The following DACH2 variants were observed in gnomAD, a reference collection of about 807,000 sequenced individuals.
DACH2 encodes the protein dachshund homolog 2.
A neutral mutation model predicts 35.8 loss-of-function variants in DACH2; 17 were observed. The observed-to-expected ratio is 0.48, with a 90% CI of 0.33 to 0.71. DACH2 has a LOEUF of 0.71. DACH2 is among the 30% of genes least tolerant of loss of function. The pLI is 0.02. For missense variants in DACH2, 469 were observed against 472.7 expected (o/e 0.99, Z 0.07); for synonymous variants, 195 against 177.3 (o/e 1.10, Z -0.79).
chrX:86,680,265 G>C (rs763329037), intron 4 of DACH2, among the ~76,000 whole-genome samples: 2 of 111,919 alleles, frequency 1.8e-5, no homozygotes, highest in Non-Finnish European at 3.8e-5. Context: ...AGTTCTTAAA[G>C]ATATAATTAT....
chrX:86,297,778 G>A (rs1339992134), intron 1 of DACH2, among the ~76,000 whole-genome samples: 1 of 112,128 alleles, frequency 8.9e-6, no homozygotes, highest in Non-Finnish European at 1.9e-5. Flanking sequence ...GATAATTGTA[G>A]ACATTTATAT....
At chrX:86,227,683 C>T (rs1193197146) in intron 1 of DACH2, among the ~76,000 whole-genome samples, 2 of 108,292 alleles carry the variant, frequency 1.8e-5, no homozygotes, top group African/African-American at 6.7e-5. Flanking sequence ...TTGCACCCTT[C>T]CTTTCTTTTC....
intron 2 of DACH2, among the ~76,000 whole-genome samples, chrX:86,479,987 A>C (rs992066539): frequency 8.9e-6 from 1 of 112,384 alleles, no homozygotes; most frequent in African/African-American, 3.2e-5. Flanking sequence ...TGGCTTATTT[A>C]GTTCATTTTG....
intron 3 of DACH2, among the ~76,000 whole-genome samples, chrX:86,641,048 G>A (rs2092458): frequency 0.13 from 14,196 of 111,483 alleles, 787 homozygotes; most frequent in East Asian, 0.32. Flanking sequence ...CCAGAGTGTC[G>A]TATATTCTCC....
rs1261629043 is a variant in DACH2 at position 86,514,322 on chromosome X, C to T, written c.571C>T (p.Gln191Ter). The change falls in exon 3 of 12, where the codon CAG (glutamine) becomes TAG (stop). Residue 191 changes from glutamine to a stop codon, truncating the protein, a stop_gained. Transcript: ENST00000373125. LOFTEE classifies it high-confidence loss of function. The part of the protein sequence containing the change: ...RPPKRSLGVL[Q>*]ENARLLTHAV... The stretch of plus-strand genomic sequence containing the variant: ...CCCTAAGCGTTCTTTGGGAGTGTTG[C>T]AGGAAAATGCCCGCCTTCTGACCCA... 1 of 1,209,501 alleles carries T rather than the reference C, an allele frequency of 8.3e-7. No homozygotes were observed. Among genetic ancestry groups the T allele is most frequent in the Non-Finnish European group, 1.1e-6 (1 of 895,097 alleles).
chrX:86,244,164 G>A (rs1378638096), intron 1 of DACH2, among the ~76,000 whole-genome samples: 4 of 111,449 alleles, frequency 3.6e-5, no homozygotes, highest in African/African-American at 1.3e-4. Flanking sequence ...TAGGTCCTAA[G>A]TGAAGCCACA....
At chrX:86,779,037 A>G (rs2042064788) in intron 7 of DACH2, among the ~76,000 whole-genome samples, 1 of 112,110 alleles carries the variant, frequency 8.9e-6, no homozygotes, top group African/African-American at 3.2e-5. Context: ...TATGGAGACT[A>G]TATTAGTTGG....
intron 3 of DACH2, among the ~76,000 whole-genome samples, chrX:86,650,205 AT>A (rs2148405878): frequency 9.1e-6 from 1 of 110,299 alleles, no homozygotes; most frequent in African/African-American, 3.3e-5. Flanking sequence ...TTTTTATACC[AT>A]TATGCTGAGA....
chrX:86,567,377 A>G (rs758894608), intron 3 of DACH2, among the ~76,000 whole-genome samples: 5 of 111,314 alleles, frequency 4.5e-5, no homozygotes, highest in Non-Finnish European at 7.6e-5. Context: ...TATCTGGCAG[A>G]TCTAGGTGGT....
chrX:86,362,694 T>C (rs2035754839), intron 1 of DACH2, among the ~76,000 whole-genome samples: 1 of 111,132 alleles, frequency 9.0e-6, no homozygotes, highest in African/African-American at 3.3e-5. Context: ...ATTTAATCTC[T>C]CCCTTTTCTA....
chrX:86,746,595 G>A (rs1169068958), intron 7 of DACH2, among the ~76,000 whole-genome samples: 1 of 110,796 alleles, frequency 9.0e-6, no homozygotes, highest in Non-Finnish European at 1.9e-5. Flanking sequence ...TTTTTATTAG[G>A]CATTTTAATT....
rs1260496593 is a variant in DACH2, at chrX:86,814,770, G to C, written c.1620G>C (p.Arg540=). 1 of 1,209,314 alleles carries C rather than the reference G, an allele frequency of 8.3e-7. No individual in the cohort carries two copies. The highest frequency in any genetic ancestry group is 3.0e-5 in the East Asian group (1 of 33,744). The change falls in exon 10 of 12, where the codon CGG becomes CGC. Residue 540 remains arginine, a synonymous_variant. Coordinates refer to ENST00000373125, the MANE Select transcript of DACH2 (RefSeq NM_053281.3). The stretch of plus-strand genomic sequence containing the variant: ...CCTTGGAATTTGAATCAAAGCGCCG[G>C]GAGCAAGTGGAGCAGGCACTTAAGC... ...QEALEFESKR[R]EQVEQALKQA...
rs1048120325 is a variant in DACH2, at chrX:86,302,348, A to G, written c.489-74476A>G. Among the ~76,000 whole-genome samples the G allele has an allele frequency of 4.5e-5, 5 of 111,745 alleles. No individual in the cohort carries two copies. In the East Asian group the frequency reaches 1.4e-3, roughly 31 times the overall value. ...TGATAGTTGACATTTATTTATAAAG[A>G]GAACTAGTGGAAAAAATGATTAGTT... On this transcript the variant is annotated intron_variant, in intron 1 of 11. Transcript: ENST00000373125.
intron 1 of DACH2, among the ~76,000 whole-genome samples, chrX:86,274,948 G>A (rs1358380376): frequency 8.9e-6 from 1 of 111,848 alleles, no homozygotes; most frequent in Non-Finnish European, 1.9e-5. Flanking sequence ...GAATACAAAA[G>A]GATTTGAAGC....
At chrX:86,636,718 A>T (rs935565591) in intron 3 of DACH2, among the ~76,000 whole-genome samples, 4 of 111,286 alleles carry the variant, frequency 3.6e-5, no homozygotes, top group Non-Finnish European at 5.7e-5. Context: ...CTCAATATGG[A>T]TTAAAGTTTT....
At chrX:86,316,633 T>C (rs1031390763) in intron 1 of DACH2, among the ~76,000 whole-genome samples, 10 of 111,541 alleles carry the variant, frequency 9.0e-5, no homozygotes, top group African/African-American at 3.3e-4. Flanking sequence ...AATTGGGCGA[T>C]GACTTCTTCA....
chrX:86,508,186 T>C (rs1217782542), intron 2 of DACH2, among the ~76,000 whole-genome samples: 1 of 111,892 alleles, frequency 8.9e-6, no homozygotes, highest in Non-Finnish European at 1.9e-5. Context: ...ATAACTTTGT[T>C]TTACAAACAT....
intron 1 of DACH2, among the ~76,000 whole-genome samples, chrX:86,372,593 G>T (rs1438884036): frequency 2.7e-5 from 3 of 110,768 alleles, no homozygotes; most frequent in Non-Finnish European, 5.7e-5. Flanking sequence ...TCATCTAGTT[G>T]TGCCAAACCA....
chrX:86,317,984 C>T (rs1275054264), intron 1 of DACH2, among the ~76,000 whole-genome samples: 1 of 111,623 alleles, frequency 9.0e-6, no homozygotes, highest in East Asian at 2.8e-4. Flanking sequence ...TACACCCTTT[C>T]AGTCAAAGTC....
Sources: allele counts gnomAD v4.1 joint callset (sites outside exome capture counted in the v4.1 genomes callset), GRCh38; gene constraint gnomAD v4.1.1; transcripts MANE v1.5; gene names NCBI Gene and HGNC (gene_info 2026-07-23, HGNC 2026-07-21).